Variants in UBXN7 observed in about 807,000 individuals in gnomAD.
The protein encoded by UBXN7 is UBX domain-containing protein 7.
Under a neutral mutation model 58.0 loss-of-function variants are expected in UBXN7, and 9 were observed. The ratio of observed to expected loss-of-function variants is 0.16; its 90% CI spans 0.09 to 0.27. The LOEUF (loss-of-function observed/expected upper bound fraction) is 0.27, where lower values mean the gene tolerates loss of function less well. Ranked by LOEUF, UBXN7 falls within the 10% of genes least tolerant of loss-of-function variation. The pLI, the probability that UBXN7 is intolerant of heterozygous loss-of-function variation, is 1.00. For synonymous variants in UBXN7, 208 were observed against 205.0 expected (o/e 1.01, Z -0.12); for missense variants, 328 against 599.6 (o/e 0.55, Z 4.73).
chr3:196,366,079 C>T lies in UBXN7; in HGVS notation c.834+1949G>A, dbSNP rs140210283. Among the ~76,000 whole-genome samples, 553 of 152,218 alleles carry T rather than the reference C, an allele frequency of 3.6e-3. 20 individuals are homozygous for T. The South Asian group carries it at 0.074, about 20-fold the overall frequency. ...AAATGCTCTCAAAAAAACTATAAAT[C>T]AAGCAGGAGAACTGCTTGAGGCCAG... On this transcript the variant is annotated intron_variant, in intron 8 of 10. Transcript: ENST00000296328.
chr3:196,370,818 C>T (rs1346370097), intron 6 of UBXN7, among the ~76,000 whole-genome samples: 1 of 135,408 alleles, frequency 7.4e-6, no homozygotes, highest in Non-Finnish European at 1.5e-5. Context: ...CCCAGGAGTT[C>T]GAGACGAGCC....
intron 7 of UBXN7, 67 bp from the exon 8 acceptor site, chr3:196,368,222 G>T: frequency 6.8e-7 from 1 of 1,476,926 alleles, no homozygotes; most frequent in Non-Finnish European, 9.1e-7. Flanking sequence ...CATTCTCCAG[G>T]ATCTATAAAT....
At chr3:196,376,853 C>T (rs2108836873) in intron 5 of UBXN7, among the ~76,000 whole-genome samples, 1 of 151,854 alleles carries the variant, frequency 6.6e-6, no homozygotes, top group Admixed American at 6.6e-5. Flanking sequence ...CAAGACCAAC[C>T]TGGGCAACGT....
intron 1 of UBXN7, among the ~76,000 whole-genome samples, chr3:196,410,228 C>A (rs1262158944): frequency 1.3e-5 from 2 of 152,168 alleles, no homozygotes; most frequent in African/African-American, 4.8e-5. Context: ...GAGTGAGCCA[C>A]CACACTTGGC....
intron 2 of UBXN7, among the ~76,000 whole-genome samples, chr3:196,405,182 A>T (rs1046265362): frequency 6.6e-5 from 10 of 152,112 alleles, no homozygotes; most frequent in Admixed American, 3.9e-4. Context: ...TAATTATCTT[A>T]AGAAAACTGG....
Position 196,432,309 on chromosome 3 carries a change from G to T in UBXN7, c.73+18C>A, listed in dbSNP as rs1187335346. 6.2e-7 allele frequency: 1 copy of T among 1,613,346 alleles called. No individual in the cohort carries two copies. Among genetic ancestry groups the T allele is most frequent in the East Asian group, 2.2e-5 (1 of 44,860 alleles). On this transcript the variant is annotated intron_variant, in intron 1 of 10. Transcript: ENST00000296328. Reference sequence around the variant, plus strand: ...CTCCGGACCCCACTCTCCACCTTCCGGTAACCGCGTCTCTTACCGGTAATG... The same window carrying T: ...CTCCGGACCCCACTCTCCACCTTCCTGTAACCGCGTCTCTTACCGGTAATG...
intron 5 of UBXN7, among the ~76,000 whole-genome samples, chr3:196,389,678 A>C (rs1236954220): frequency 1.3e-5 from 2 of 152,320 alleles, no homozygotes; most frequent in East Asian, 1.9e-4. Flanking sequence ...CCTCACCAGA[A>C]GCAGATGTCA....
intron 1 of UBXN7, among the ~76,000 whole-genome samples, chr3:196,421,963 T>A (rs1467691533): frequency 1.3e-5 from 2 of 151,412 alleles, no homozygotes; most frequent in Non-Finnish European, 2.9e-5. Flanking sequence ...CTTTGGGAGG[T>A]TGAGGCGGGC....
intron 8 of UBXN7, among the ~76,000 whole-genome samples, chr3:196,363,034 A>G (rs1728548472): frequency 6.6e-6 from 1 of 151,836 alleles, no homozygotes; most frequent in Non-Finnish European, 1.5e-5. Flanking sequence ...CCTCCCAAGT[A>G]GCTGGGATTA....
chr3:196,368,474 TATA>T (rs1256680467), intron 7 of UBXN7, among the ~76,000 whole-genome samples: 3 of 152,156 alleles, frequency 2.0e-5, no homozygotes, highest in African/African-American at 7.2e-5. Context: ...GATCTGTAAA[TATA>T]ATATCTAGGA....
chr3:196,413,720 T>C (rs906828473), intron 1 of UBXN7, among the ~76,000 whole-genome samples: 12 of 152,276 alleles, frequency 7.9e-5, no homozygotes, highest in African/African-American at 2.9e-4. Context: ...ATCTCACACC[T>C]CATGGCCCCC....
At chr3:196,371,760 G>C in intron 6 of UBXN7, 136 bp downstream of exon 6, 1 of 1,096,386 alleles carries the variant, frequency 9.1e-7, no homozygotes, top group Non-Finnish European at 1.2e-6. Flanking sequence ...TGGGATTATA[G>C]GCGTGAGCTA....
At chr3:196,356,897 G>T in intron 10 of UBXN7, 51 bp from the exon 11 acceptor site, 1 of 1,557,710 alleles carries the variant, frequency 6.4e-7, no homozygotes, top group Non-Finnish European at 8.6e-7. Flanking sequence ...AGAGGAAAGA[G>T]CATATTAGTG....
In UBXN7 at chr3:196,370,127, C is replaced by CAA. The variant is rs368855542; in HGVS notation, c.616-618_616-617dup. ...CCCAGCGACAATGCAAGACTTGTCT[C>CAA]AAAAAAAAAAAAAAAAAAAAAAGAT... On this transcript the variant is annotated intron_variant, in intron 6 of 10. Transcript: ENST00000296328. Among the ~76,000 whole-genome samples, 291 of 73,138 alleles carry CAA rather than the reference C, an allele frequency of 4.0e-3. 5 individuals are homozygous for CAA. Among genetic ancestry groups the CAA allele is most frequent in the South Asian group, 0.011 (26 of 2,272 alleles). The allele number at this position is 73,138 out of a possible 152,430, so 48.0% of individuals were successfully genotyped here.
chr3:196,421,630 A>G (rs1032364750), intron 1 of UBXN7, among the ~76,000 whole-genome samples: 2 of 151,706 alleles, frequency 1.3e-5, no homozygotes, highest in African/African-American at 4.8e-5. Flanking sequence ...ACAAAAAATT[A>G]GCTGGGTGTG....
intron 5 of UBXN7, among the ~76,000 whole-genome samples, chr3:196,375,188 C>CAT (rs1413721840): frequency 2.0e-5 from 2 of 99,992 alleles, no homozygotes; most frequent in Non-Finnish European, 4.4e-5. Flanking sequence ...TCTTACCACA[C>CAT]ACACACACAC....
At chr3:196,417,058 A>G (rs987521736) in intron 1 of UBXN7, among the ~76,000 whole-genome samples, 7 of 152,226 alleles carry the variant, frequency 4.6e-5, no homozygotes, top group African/African-American at 1.2e-4. Context: ...TCACGCCTGT[A>G]ATCCCAGAAC....
intron 3 of UBXN7, among the ~76,000 whole-genome samples, chr3:196,395,737 C>T (rs1225295855): frequency 6.6e-6 from 1 of 151,852 alleles, no homozygotes; most frequent in Non-Finnish European, 1.5e-5. Flanking sequence ...GGATTACAGG[C>T]ACCAGCCACC....
At chr3:196,397,012 A>T (rs189554563) in intron 3 of UBXN7, among the ~76,000 whole-genome samples, 1 of 152,138 alleles carries the variant, frequency 6.6e-6, no homozygotes, top group Non-Finnish European at 1.5e-5. Flanking sequence ...TCTTGGGCTA[A>T]TAACCCTCTT....
Sources: gnomAD v4.1 joint callset for allele counts (sites outside exome capture counted in the v4.1 genomes callset) on GRCh38, gnomAD v4.1.1 for gene constraint, MANE v1.5 for transcripts, NCBI Gene and HGNC (gene_info 2026-07-23, HGNC 2026-07-21) for gene names.